Variants in KMT2D observed in about 807,000 individuals in gnomAD.
KMT2D encodes lysine methyltransferase 2D.
KMT2D carries 55 observed loss-of-function variants against 512.7 expected under a neutral mutation model. The observed-to-expected ratio is 0.11, with a 90% CI of 0.09 to 0.13. The LOEUF (loss-of-function observed/expected upper bound fraction) is 0.13. Among genes scored for constraint, KMT2D ranks in the 10% least tolerant of loss-of-function variants. The pLI is 1.00. For missense variants in KMT2D, 6,061 were observed against 7,127.9 expected (o/e 0.85, Z 5.39); for synonymous variants, 2,995 against 2,904.0 (o/e 1.03, Z -1.01).
Position 49,020,572 on chromosome 12 carries a change from T to TGG in KMT2D, c.*1207_*1208insCC. ...ACAATCCCATGTATAAATAGATAAA[T>TGG]ACCCCCCACCCTCCCCGCGCTGACA... On this transcript the variant is annotated 3_prime_UTR_variant, in exon 55 of 55. Transcript: ENST00000301067. 5.1e-6 allele frequency: 1 copy of TGG among 194,268 alleles called. No individual in the cohort carries two copies. Among genetic ancestry groups the TGG allele is most frequent in the Non-Finnish European group, 1.1e-5 (1 of 94,614 alleles). 12.0% of individuals were successfully genotyped at this position (194,268 alleles called of 1,614,324 possible).
Position 49,044,190 on chromosome 12 carries a change from C to A in KMT2D, c.5188+10G>T. 6.2e-7 allele frequency: 1 copy of A among 1,610,422 alleles called. No individual in the cohort carries two copies. The highest frequency in any genetic ancestry group is 1.1e-5 in the South Asian group (1 of 90,852). ...CTCCCAGGCCCCACTGGTGCCCTCA[C>A]CCGTCTCACCCTCGTCGGGCTGCCC... On this transcript the variant is annotated intron_variant, in intron 22 of 54. Coordinates refer to ENST00000301067, the MANE Select transcript of KMT2D (RefSeq NM_003482.4). This position sits in a 1 kb window ranked among gnomAD's most constrained non-coding sequence, Gnocchi z 6.4.
At chr12:49,047,927 C>G (rs779299485) in intron 15 of KMT2D, 38 bp downstream of exon 15, 1 of 1,418,336 alleles carries the variant, frequency 7.1e-7, no homozygotes, top group Admixed American at 1.7e-5. Context: ...ATAACTGACC[C>G]TATTCCCCAG....
Position 49,032,107 on chromosome 12 carries a change from G to T in KMT2D, c.12598C>A (p.Gln4200Lys). The T allele has an allele frequency of 6.2e-7, 1 of 1,613,866 alleles. No individual in the cohort carries two copies. The highest frequency in any genetic ancestry group is 8.5e-7 in the Non-Finnish European group (1 of 1,179,848). Residue 4200 changes from glutamine to lysine, a missense_variant, in exon 40 of 55, where the codon CAG (glutamine) becomes AAG (lysine). Physicochemically the swap from Gln to Lys is moderately conservative, Grantham distance 53 (BLOSUM62 1). Coordinates refer to ENST00000301067, the MANE Select transcript of KMT2D (RefSeq NM_003482.4). ...IMPTVGQLRAQLQGVLAKNPQ... is the reference protein window; with the variant it reads ...IMPTVGQLRAKLQGVLAKNPQ... ...TTTTTGGCCAGGACTCCTTGGAGCT[G>T]TGCTCGAAGCTGACCCACCGTAGGC...
intron 35 of KMT2D, among the ~76,000 whole-genome samples, chr12:49,035,301 G>A (rs1313265008): frequency 1.3e-5 from 2 of 152,164 alleles, no homozygotes; most frequent in Admixed American, 6.5e-5. Flanking sequence ...TTTATGACTC[G>A]GAAAGCATTC....
rs1943297031 is a variant in KMT2D, at chr12:49,037,822, G to A, written c.9534C>T (p.His3178=). 1 of 1,597,538 alleles carries A rather than the reference G, an allele frequency of 6.3e-7. No individual in the cohort carries two copies. The highest frequency in any genetic ancestry group is 2.3e-5 in the East Asian group (1 of 44,098). ...MGTGPFSSSG[H]TAEKASFGAT... ...CCCCAAAGGAGGCCTTCTCAGCTGT[G>A]TGCCCACTGCTAGAAAATGGCCCTG... The change falls in exon 35 of 55, where the codon CAC becomes CAT. Residue 3178 remains histidine (H), a synonymous_variant. Transcript: ENST00000301067.
Position 49,022,664 on chromosome 12 carries a change from T to C in KMT2D, c.16264A>G (p.Met5422Val). 4 of 1,613,922 alleles carry C rather than the reference T, an allele frequency of 2.5e-6. No individual in the cohort carries two copies. The highest frequency in any genetic ancestry group is 3.4e-6 in the Non-Finnish European group (4 of 1,179,878). The change falls in exon 52 of 55, where the codon ATG becomes GTG. Residue 5422 changes from methionine (M) to valine (V), a missense_variant. Met to Val is a conservative substitution (Grantham distance 21). Transcript: ENST00000301067. This position sits in a 1 kb window ranked among gnomAD's most constrained non-coding sequence, Gnocchi z 8.6. ...YAAKDLEKHTMVIEYIGTIIR... is the reference protein window; with the variant it reads ...YAAKDLEKHTVVIEYIGTIIR... ...ATGGTGCCAATGTACTCGATAACCA[T>C]TGTGTGCTTTTCTAGGTCCTTGGCT...
In KMT2D at chr12:49,037,036, G is replaced by A; in HGVS notation, c.10231+89C>T. The A allele has an allele frequency of 2.7e-6, 4 of 1,467,392 alleles. No individual in the cohort carries two copies. The South Asian group carries it at 5.8e-5, about 21-fold the overall frequency. The allele number at this position is 1,467,392 out of a possible 1,614,324, so 90.9% of individuals were successfully genotyped here. On this transcript the variant is annotated intron_variant, in intron 35 of 54. Coordinates refer to ENST00000301067, the MANE Select transcript of KMT2D (RefSeq NM_003482.4). ...GTTCTTTGTGTCCCATCTTAAGTAG[G>A]GATTATCTGAGGTCTCTAGCCTCAG...
At chr12:49,027,675 A>G in intron 48 of KMT2D, 128 bp downstream of exon 48, 1 of 1,232,170 alleles carries the variant, frequency 8.1e-7, no homozygotes, top group Non-Finnish European at 1.1e-6. Flanking sequence ...GGCTGGTCTC[A>G]AACTCCTGGC....
At position 49,029,476 on chromosome 12, in the gene KMT2D, T is replaced by C. The variant is rs1335531885; in HGVS notation, c.14000A>G (p.Asp4667Gly). The change falls in exon 44 of 55, where the codon GAT becomes GGT. Residue 4667 changes from aspartate (D) to glycine (G), a missense_variant and splice_region_variant. By Grantham distance (94) the Asp-to-Gly change is moderately conservative. This residue lies in a region of KMT2D where 1,600 missense variants were observed against 1,754.9 expected (regional missense o/e 0.91). Coordinates refer to ENST00000301067, the MANE Select transcript of KMT2D (RefSeq NM_003482.4). ...SARDSERALR[D>G]TSEVKSLDLL... is the part of the protein sequence containing the mutation. ...GTCTAGACTCTTCACCTCTGAAGTA[T>C]CTGAGGGGTGGGTAGGGAGAAGAAA... The C allele has an allele frequency of 3.2e-6, 5 of 1,553,878 alleles. No homozygotes were observed. Among genetic ancestry groups the C allele is most frequent in the Non-Finnish European group, 4.4e-6 (5 of 1,147,974 alleles).
rs1249276372 is a variant in KMT2D at position 49,040,476 on chromosome 12, C to G, written c.7294G>C (p.Ala2432Pro). The G allele has an allele frequency of 6.4e-7, 1 of 1,567,740 alleles. No homozygotes were observed. The change falls in exon 32 of 55, where the codon GCT becomes CCT. Residue 2432 changes from alanine to proline, a missense_variant. Ala to Pro is a conservative substitution (Grantham distance 27). This residue lies in a region of KMT2D where 710 missense variants were observed against 647.3 expected (regional missense o/e 1.10). Transcript: ENST00000301067. ...QSPLTPRPLS[A>P]EAFCPSPVTP... ...ACGGGTGATGGGCAAAAAGCTTCAG[C>G]AGACAGAGGCCGGGGTGTCAGTGGA...
intron 12 of KMT2D, 110 bp from the exon 13 acceptor site, chr12:49,049,328 C>T (rs1937773435): frequency 2.9e-6 from 2 of 697,250 alleles, no homozygotes; most frequent in South Asian, 2.0e-5. Context: ...AGGTAATAAG[C>T]CCAGGAGTCC....
rs2120663636 is a variant in KMT2D at position 49,051,125 on chromosome 12, G to A, written c.2558C>T (p.Pro853Leu). The change falls in exon 11 of 55, where the codon CCT (proline) becomes CTT (leucine). Residue 853 changes from proline to leucine, a missense_variant. Pro to Leu is a moderately conservative substitution (Grantham distance 98). Around this residue, in one of 16 missense-constraint regions of KMT2D, gnomAD observed 848 missense variants for 838.5 expected, o/e 1.01. Transcript: ENST00000301067. Reference sequence around the variant, plus strand: ...GGACAGGGGTGGCTTCTCAAGCTCAGGGGACAGATGCGATTCCTCAGGCCG... The same window carrying A: ...GGACAGGGGTGGCTTCTCAAGCTCAAGGGACAGATGCGATTCCTCAGGCCG... Reference protein sequence around the residue: ...SPRPEESHLSPELEKPPLSPR... With the variant: ...SPRPEESHLSLELEKPPLSPR... 2 of 1,521,354 alleles carry A rather than the reference G, an allele frequency of 1.3e-6. No individual in the cohort carries two copies. The highest frequency in any genetic ancestry group is 1.8e-6 in the Non-Finnish European group (2 of 1,135,736). The allele number at this position is 1,521,354 out of a possible 1,614,324, so 94.2% of individuals were successfully genotyped here.
rs759386500 is a variant in KMT2D, at chr12:49,055,241, A to G, written c.49+35T>C. ...ACCAGAAATGTAAGGTTGCCAATGA[A>G]ATCTAAAAGCAAACAAACAATTTGT... is the stretch of plus-strand genomic sequence containing the variant. On this transcript the variant is annotated intron_variant, in intron 2 of 54. Transcript: ENST00000301067. 1.1e-5 allele frequency: 18 copies of G among 1,611,730 alleles called. No individual in the cohort carries two copies. The Admixed American group carries it at 2.7e-4, about 24-fold the overall frequency.
chr12:49,045,920 C>G lies in KMT2D; in HGVS notation c.4741G>C (p.Glu1581Gln), dbSNP rs2120596214. 6.2e-7 allele frequency: 1 copy of G among 1,613,578 alleles called. No individual in the cohort carries two copies. The highest frequency in any genetic ancestry group is 8.5e-7 in the Non-Finnish European group (1 of 1,179,508). ...ELVPMKVKEPEPQYFRFEGVW... is the reference protein window; with the variant it reads ...ELVPMKVKEPQPQYFRFEGVW... ...GGCATTCAAAATTTCTGTGACTCAC[C>G]TGGCTCTTTCACCTTCATGGGCACC... is the stretch of plus-strand genomic sequence containing the variant. Residue 1581 changes from glutamate (E) to glutamine (Q), a missense_variant and splice_region_variant, in exon 19 of 55, where the codon GAG (glutamate) becomes CAG (glutamine). By Grantham distance (29) the Glu-to-Gln change is conservative (BLOSUM62 2). Coordinates refer to ENST00000301067, the MANE Select transcript of KMT2D (RefSeq NM_003482.4).
intron 49 of KMT2D, 112 bp from the exon 50 acceptor site, chr12:49,025,058 A>C: frequency 2.4e-6 from 3 of 1,239,466 alleles, no homozygotes; most frequent in Non-Finnish European, 3.4e-6. Context: ...CCTCCCTATC[A>C]TGAAGTTGTG....
rs1281196131 is a variant in KMT2D at position 49,039,215 on chromosome 12, G to C, written c.8366+7C>G. The C allele has an allele frequency of 6.8e-6, 11 of 1,613,498 alleles. No individual in the cohort carries two copies. The highest frequency in any genetic ancestry group is 9.3e-6 in the Non-Finnish European group (11 of 1,179,796). On this transcript the variant is annotated splice_region_variant and intron_variant, in intron 34 of 54. Coordinates refer to ENST00000301067, the MANE Select transcript of KMT2D (RefSeq NM_003482.4). The surrounding 1 kb of genome is among the most constrained non-coding windows in gnomAD (Gnocchi z 5.0). ...GTTTACCCCCAGGGAACCTCCTGGA[G>C]CCTCACCGGCTGTTCACATCCATAG...
In KMT2D at chr12:49,024,873, C is replaced by A. The variant is rs770257093; in HGVS notation, c.15858G>T (p.Glu5286Asp). 1.2e-6 allele frequency: 2 copies of A among 1,610,028 alleles called. No homozygotes were observed. The highest frequency in any genetic ancestry group is 1.7e-6 in the Non-Finnish European group (2 of 1,178,142). Reference sequence around the variant, plus strand: ...CAAAGAGCTCCTCGCCCTTCAGATACTCAGGGAAGAGTCGCAGCATGTCAG... The same window carrying A: ...CAAAGAGCTCCTCGCCCTTCAGATAATCAGGGAAGAGTCGCAGCATGTCAG... The part of the protein sequence containing the change: ...KEADMLRLFP[E>D]YLKGEELFGL... The change falls in exon 50 of 55, where the codon GAG becomes GAT. Residue 5286 changes from glutamate (E) to aspartate (D), a missense_variant. Glu to Asp is a conservative substitution (Grantham distance 45). This residue lies in a region of KMT2D where 261 missense variants were observed against 440.7 expected (regional missense o/e 0.59). Transcript: ENST00000301067. The surrounding 1 kb of genome is among the most constrained non-coding windows in gnomAD (Gnocchi z 4.5).
Position 49,032,405 on chromosome 12 carries a change from T to C in KMT2D, c.12300A>G (p.Gln4100=). Reference sequence around the variant, plus strand: ...GGAGCAGGCTAACTTGCTGCTGCTGTTGTCCTGGAAGCCTCAGAGGTGGCT... The same window carrying C: ...GGAGCAGGCTAACTTGCTGCTGCTGCTGTCCTGGAAGCCTCAGAGGTGGCT... ...QLQPPLRLPG[Q]QQQQVSLLHT... The change falls in exon 40 of 55, where the codon CAA becomes CAG. Residue 4100 remains glutamine (Q), a synonymous_variant. Transcript: ENST00000301067. 3 of 1,598,136 alleles carry C rather than the reference T, an allele frequency of 1.9e-6. No homozygotes were observed. The highest frequency in any genetic ancestry group is 1.7e-6 in the Non-Finnish European group (2 of 1,172,418).
rs764926478 is a variant in KMT2D, at chr12:49,041,578, G to A, written c.6235-43C>T. ...GCATAGGGCAGTCAGGCTGCTGCAGGCAGGCCCCATGGCCCTCCACCCTCA... is the reference window on the plus strand; with the variant it reads ...GCATAGGGCAGTCAGGCTGCTGCAGACAGGCCCCATGGCCCTCCACCCTCA... On this transcript the variant is annotated intron_variant, in intron 31 of 54. Transcript: ENST00000301067. This position sits in a 1 kb window ranked among gnomAD's most constrained non-coding sequence, Gnocchi z 5.4. 8 of 1,612,548 alleles carry A rather than the reference G, an allele frequency of 5.0e-6. 1 individual carries two copies. The South Asian group carries it at 8.8e-5, about 18-fold the overall frequency.
Sources: allele counts gnomAD v4.1 joint callset (sites outside exome capture counted in the v4.1 genomes callset), GRCh38; gene constraint gnomAD v4.1.1; regional missense constraint gnomAD v4.1.1; non-coding constraint Gnocchi (gnomAD v3.1); transcripts MANE v1.5; gene names NCBI Gene and HGNC (gene_info 2026-07-23, HGNC 2026-07-21).